Variants in PTPRM observed in about 807,000 individuals in gnomAD.
PTPRM encodes protein tyrosine phosphatase receptor type M.
PTPRM carries 47 observed loss-of-function variants against 186.7 expected under a neutral mutation model. The observed-to-expected ratio is 0.25, with a 90% CI of 0.20 to 0.32. PTPRM has a LOEUF of 0.32. Ranked by LOEUF, PTPRM falls within the 10% of genes least tolerant of loss-of-function variation. The probability of loss-of-function intolerance (pLI) is 1.00; values close to 1 mark genes in which losing one functional copy is unlikely to be tolerated. For synonymous variants in PTPRM, 668 were observed against 674.9 expected (o/e 0.99, Z 0.16); for missense variants, 1,494 against 1,865.0 (o/e 0.80, Z 3.66).
At chr18:7,791,384 A>G (rs2043337602) in intron 2 of PTPRM, among the ~76,000 whole-genome samples, 1 of 152,170 alleles carries the variant, frequency 6.6e-6, no homozygotes, top group Non-Finnish European at 1.5e-5. Flanking sequence ...AACACTGTGG[A>G]CCTTTATTTC....
intron 8 of PTPRM, among the ~76,000 whole-genome samples, chr18:8,070,893 GT>G (rs2089433831): frequency 6.6e-6 from 1 of 152,146 alleles, no homozygotes; most frequent in Non-Finnish European, 1.5e-5. Flanking sequence ...AACTGATAAT[GT>G]AATTTTGACC....
rs538558659 is a variant in PTPRM at position 8,117,312 on chromosome 18, C to T, written c.2167+2485C>T. On this transcript the variant is annotated intron_variant, in intron 13 of 32. Transcript: ENST00000580170. The stretch of plus-strand genomic sequence containing the variant: ...CCACATACTGCTCACAGTGCGATGG[C>T]TTAATTGAGTTTTCAGATACAGAAT... Among the ~76,000 whole-genome samples the T allele has an allele frequency of 2.0e-5, 3 of 152,236 alleles. No homozygotes were observed. The South Asian group carries it at 6.2e-4, about 32-fold the overall frequency.
chr18:8,035,641 G>C (rs1432286352), intron 7 of PTPRM, among the ~76,000 whole-genome samples: 1 of 151,426 alleles, frequency 6.6e-6, no homozygotes, highest in East Asian at 1.9e-4. Flanking sequence ...TTGCAGATAC[G>C]GAGGGCTGAC....
intron 10 of PTPRM, among the ~76,000 whole-genome samples, chr18:8,087,940 G>A (rs2090515972): frequency 1.3e-5 from 2 of 152,132 alleles, no homozygotes; most frequent in African/African-American, 4.8e-5. Context: ...GACCTCTGTT[G>A]CTATCATAAT....
chr18:8,260,530 A>T (rs927965576), intron 19 of PTPRM, among the ~76,000 whole-genome samples: 1 of 152,100 alleles, frequency 6.6e-6, no homozygotes, highest in South Asian at 2.1e-4. Flanking sequence ...ACTCATTAGC[A>T]TGAGGATGGC....
intron 15 of PTPRM, among the ~76,000 whole-genome samples, chr18:8,247,070 G>C (rs2094483474): frequency 1.3e-5 from 2 of 150,926 alleles, no homozygotes; most frequent in African/African-American, 4.9e-5. Flanking sequence ...AAATTAAACT[G>C]TTTTAAAAAC....
intron 13 of PTPRM, among the ~76,000 whole-genome samples, chr18:8,124,812 A>G (rs1340660194): frequency 1.3e-5 from 2 of 152,162 alleles, no homozygotes; most frequent in Non-Finnish European, 2.9e-5. Flanking sequence ...AATAGAAGAT[A>G]TAGGAGGTAT....
At chr18:7,995,805 A>G (rs2083501883) in intron 7 of PTPRM, 2 of 152,154 alleles carry the variant, frequency 1.3e-5, no homozygotes, top group South Asian at 4.1e-4. Flanking sequence ...ATTGTTGTGT[A>G]CTAAGAACAG....
At chr18:8,179,355 T>G (rs1243467650) in intron 14 of PTPRM, among the ~76,000 whole-genome samples, 4 of 152,224 alleles carry the variant, frequency 2.6e-5, no homozygotes, top group African/African-American at 9.6e-5. Context: ...AATGGAAGGA[T>G]TATTTCAGTC....
chr18:8,252,568 T>C, intron 18 of PTPRM, 69 bp downstream of exon 18: 7 of 1,446,570 alleles, frequency 4.8e-6, no homozygotes, highest in Non-Finnish European at 6.8e-6. Flanking sequence ...ACTGGTAGAT[T>C]CTGACAAAGC....
chr18:8,250,801 A>C (rs956756979), intron 17 of PTPRM, among the ~76,000 whole-genome samples: 2 of 151,980 alleles, frequency 1.3e-5, no homozygotes, highest in Admixed American at 6.6e-5. Context: ...AAAAAAAAAA[A>C]AGTAGAAAAA....
At chr18:7,595,163 A>G (rs907841724) in intron 1 of PTPRM, among the ~76,000 whole-genome samples, 3 of 152,186 alleles carry the variant, frequency 2.0e-5, no homozygotes, top group Admixed American at 2.0e-4. Context: ...GCTGCTGTTG[A>G]TGAAGGCAGG....
In PTPRM at chr18:7,835,068, C is replaced by T. The variant is rs1383011484; in HGVS notation, c.197-53038C>T. 2.3e-5 allele frequency among the ~76,000 whole-genome samples: 3 copies of T among 128,688 alleles called. No homozygotes were observed. The Admixed American group carries it at 2.4e-4, about 10-fold the overall frequency. The allele number at this position is 128,688 out of a possible 152,430, so 84.4% of individuals were successfully genotyped here. On this transcript the variant is annotated intron_variant, in intron 2 of 32. Coordinates refer to ENST00000580170, the MANE Select transcript of PTPRM (RefSeq NM_001105244.2). ...TTTTCAAAAAAACAACTTTTTGGTT[C>T]AGTGATCTTTGATATTCTTTATTTC...
chr18:8,370,849 A>AT, intron 23 of PTPRM, 41 bp from the exon 24 acceptor site: 1 of 1,361,742 alleles, frequency 7.3e-7, no homozygotes. Context: ...CTCCAAAAAA[A>AT]CCAAACTGTA....
At chr18:7,578,988 C>G (rs1181573728) in intron 1 of PTPRM, among the ~76,000 whole-genome samples, 1 of 152,144 alleles carries the variant, frequency 6.6e-6, no homozygotes, top group East Asian at 1.9e-4. Context: ...TCACATGATT[C>G]AGACTAACAC....
chr18:8,236,991 A>G (rs1043079186), intron 14 of PTPRM, among the ~76,000 whole-genome samples: 5 of 151,676 alleles, frequency 3.3e-5, no homozygotes, highest in Admixed American at 6.6e-5. Flanking sequence ...AGCATTTTAT[A>G]TTATCCCATT....
In PTPRM at chr18:8,366,518, C is replaced by A. The variant is rs560833799; in HGVS notation, c.3055-4372C>A. On this transcript the variant is annotated intron_variant, in intron 23 of 32. Transcript: ENST00000580170. ...GCAGCCTCGGGAGCCACAGCTCTGG[C>A]CCCTAGCCATCCTCTGACTTTAATT... is the stretch of plus-strand genomic sequence containing the variant. Among the ~76,000 whole-genome samples, 18 of 152,340 alleles carry A rather than the reference C, an allele frequency of 1.2e-4. No individual in the cohort carries two copies. In the South Asian group the frequency reaches 3.5e-3, roughly 30 times the overall value.
At chr18:8,005,839 CT>C (rs2084152387) in intron 7 of PTPRM, among the ~76,000 whole-genome samples, 4 of 152,098 alleles carry the variant, frequency 2.6e-5, no homozygotes, top group African/African-American at 4.8e-5. Flanking sequence ...TATTTTAAGC[CT>C]TTTAATTTCT....
chr18:8,397,679 G>A (rs893251972), intron 32 of PTPRM, among the ~76,000 whole-genome samples: 7 of 152,244 alleles, frequency 4.6e-5, no homozygotes, highest in African/African-American at 1.4e-4. Flanking sequence ...CCCACGACTC[G>A]CCTAGTTATA....
Sources: allele counts gnomAD v4.1 joint callset (sites outside exome capture counted in the v4.1 genomes callset), GRCh38; gene constraint gnomAD v4.1.1; transcripts MANE v1.5; gene names NCBI Gene and HGNC (gene_info 2026-07-23, HGNC 2026-07-21).